MYO16: variants seen among roughly 807,000 people sequenced by gnomAD.
MYO16 encodes myosin XVI, also known as unconventional myosin-XVI.
MYO16 carries 94 observed loss-of-function variants against 205.3 expected under a neutral mutation model. The observed-to-expected ratio is 0.46, with a 90% CI of 0.39 to 0.54. MYO16 has a LOEUF of 0.54. MYO16 is among the 20% of genes least tolerant of loss of function. MYO16 has a pLI of 0.00. For missense variants in MYO16, 2,315 were observed against 2,387.5 expected (o/e 0.97, Z 0.63); for synonymous variants, 988 against 954.0 (o/e 1.04, Z -0.66).
chr13:109,022,106 CAT>C lies in MYO16; in HGVS notation c.2796+2198_2796+2199del, dbSNP rs576025182. Among the ~76,000 whole-genome samples, 778 of 142,464 alleles carry C rather than the reference CAT, an allele frequency of 5.5e-3. 21 individuals are homozygous for C. The highest frequency in any genetic ancestry group is 0.019 in the African/African-American group (745 of 38,774). The allele number at this position is 142,464 out of a possible 152,430, so 93.5% of individuals were successfully genotyped here. A position where few individuals can be genotyped will look rare whatever the true frequency, so the allele number is the denominator to read the frequency against. ...GTATGTATAATATATACATATAAAA[CAT>C]ATTTATATATACAAATATATATACA... On this transcript the variant is annotated intron_variant, in intron 23 of 34. Transcript: ENST00000457511.
chr13:108,637,853 C>T (rs1880328807), intron 1 of MYO16, among the ~76,000 whole-genome samples: 1 of 151,634 alleles, frequency 6.6e-6, no homozygotes, highest in Non-Finnish European at 1.5e-5. Flanking sequence ...CGAGCCTGGG[C>T]AACACAAATA....
intron 27 of MYO16, among the ~76,000 whole-genome samples, chr13:109,083,978 A>G (rs1229486965): frequency 6.6e-6 from 1 of 152,230 alleles, no homozygotes; most frequent in Non-Finnish European, 1.5e-5. Context: ...TGCATTATGT[A>G]TAAAGACAGG....
At chr13:108,567,944 A>G in the MYO16 span, among the ~76,000 whole-genome samples, 8 of 152,178 alleles carry the variant, frequency 5.3e-5, no homozygotes, top group Non-Finnish European at 8.8e-5. Context: ...CATTTAATGT[A>G]AATAGAATTA....
At chr13:108,544,278 A>T in the MYO16 span, among the ~76,000 whole-genome samples, 2 of 152,180 alleles carry the variant, frequency 1.3e-5, no homozygotes, top group African/African-American at 2.4e-5. Flanking sequence ...AGGAACAATC[A>T]CCAGATGTTG....
At chr13:108,738,834 A>C (rs1468850020) in intron 4 of MYO16, among the ~76,000 whole-genome samples, 1 of 152,158 alleles carries the variant, frequency 6.6e-6, no homozygotes, top group Non-Finnish European at 1.5e-5. Flanking sequence ...TATTGGGTGC[A>C]TATATATTTA....
chr13:108,975,925 ATCAGTGGCTAT>A (rs1236478755), intron 20 of MYO16, among the ~76,000 whole-genome samples: 3 of 152,158 alleles, frequency 2.0e-5, no homozygotes, highest in Non-Finnish European at 2.9e-5. Context: ...GTGAGGTGGG[ATCAGTGGCTAT>A]TCATTACAAA....
upstream of MYO16, among the ~76,000 whole-genome samples, chr13:108,627,547 G>A (rs1355151343): frequency 6.6e-6 from 1 of 152,098 alleles, no homozygotes; most frequent in African/African-American, 2.4e-5. Context: ...AGCACAAAGA[G>A]TTGCCAAATG....
chr13:108,717,736 G>A (rs562137115), intron 3 of MYO16, among the ~76,000 whole-genome samples: 13 of 151,970 alleles, frequency 8.6e-5, no homozygotes, highest in South Asian at 6.2e-4. Context: ...TAGCACAATC[G>A]GATATATGAG....
intron 21 of MYO16, among the ~76,000 whole-genome samples, chr13:108,998,098 T>A (rs75123429): frequency 0.022 from 3,283 of 152,306 alleles, 48 homozygotes; most frequent in South Asian, 0.047. Flanking sequence ...TCAAGAAATA[T>A]TTTAATGCCC....
intron 31 of MYO16, among the ~76,000 whole-genome samples, chr13:109,135,246 A>G (rs1264964919): frequency 1.3e-5 from 2 of 152,188 alleles, no homozygotes; most frequent in Non-Finnish European, 2.9e-5. Flanking sequence ...GCAGTTGTGA[A>G]CAAGAGCTGG....
intron 8 of MYO16, among the ~76,000 whole-genome samples, chr13:108,822,060 A>G (rs1347908803): frequency 6.6e-6 from 1 of 152,222 alleles, no homozygotes; most frequent in Non-Finnish European, 1.5e-5. Flanking sequence ...CAGATGCAAG[A>G]ATAGAGCAGA....
rs181335914 is a variant in MYO16 at position 109,133,256 on chromosome 13, G to A, written c.4051+5706G>A. ...TTTTTTGTCCTAGGTCCTGTGCTCT[G>A]TGCTATGTTTGCTTTCGCTCTGAAA... On this transcript the variant is annotated intron_variant, in intron 31 of 34. Transcript: ENST00000457511. Among the ~76,000 whole-genome samples the A allele has an allele frequency of 7.7e-4, 117 of 152,176 alleles. 1 individual carries two copies. The highest frequency in any genetic ancestry group is 1.3e-3 in the Non-Finnish European group (89 of 68,042).
At chr13:108,721,724 T>G (rs1055178619) in intron 3 of MYO16, among the ~76,000 whole-genome samples, 1 of 151,918 alleles carries the variant, frequency 6.6e-6, no homozygotes, top group African/African-American at 2.4e-5. Context: ...TCAGAAGATA[T>G]CCAAGCTTTT....
chr13:108,920,276 CT>C (rs1566411994), intron 16 of MYO16, among the ~76,000 whole-genome samples: 1 of 151,348 alleles, frequency 6.6e-6, no homozygotes. Flanking sequence ...TGTTCCACTC[CT>C]TTTTTTCTCT....
chr13:108,639,792 T>C (rs942428334), intron 1 of MYO16, among the ~76,000 whole-genome samples: 9 of 152,210 alleles, frequency 5.9e-5, no homozygotes, highest in African/African-American at 2.2e-4. Context: ...GTGTTGGTGA[T>C]TGACCTGAGC....
chr13:108,590,628 A>G, the MYO16 span, among the ~76,000 whole-genome samples: 4,062 of 152,204 alleles, frequency 0.027, 174 homozygotes, highest in African/African-American at 0.091. Flanking sequence ...TTCTTATGAG[A>G]GGAGGGGAGT....
intron 1 of MYO16, among the ~76,000 whole-genome samples, chr13:108,611,279 C>T (rs771592888): frequency 1.7e-4 from 25 of 151,480 alleles, no homozygotes; most frequent in Admixed American, 1.3e-3. Context: ...TGTGTTACAT[C>T]ACAATAAAAA....
chr13:109,159,886 A>T (rs904999557), intron 32 of MYO16, among the ~76,000 whole-genome samples: 30 of 152,252 alleles, frequency 2.0e-4, no homozygotes, highest in Admixed American at 3.9e-4. Flanking sequence ...GAGTCAGGGC[A>T]TGCAAGGTCC....
intron 27 of MYO16, among the ~76,000 whole-genome samples, chr13:109,068,625 T>C (rs35756837): frequency 0.066 from 9,901 of 150,964 alleles, 371 homozygotes; most frequent in Non-Finnish European, 0.083. Context: ...AGTTTCGCTC[T>C]TTCTTGCCCA....
Sources: allele counts gnomAD v4.1 joint callset (sites outside exome capture counted in the v4.1 genomes callset), GRCh38; gene constraint gnomAD v4.1.1; transcripts MANE v1.5; gene names NCBI Gene and HGNC (gene_info 2026-07-23, HGNC 2026-07-21).